OR6N1: variants seen among roughly 807,000 people sequenced by gnomAD.
OR6N1 encodes the protein olfactory receptor family 6 subfamily N member 1, also known as olfactory receptor 6N1.
For missense variants in OR6N1, 394 were observed against 371.7 expected (o/e 1.06, Z -0.49); for synonymous variants, 170 against 150.7 (o/e 1.13, Z -0.94).
At chr1:158,806,794 T>C in the OR6N1 span, among the ~76,000 whole-genome samples, 1 of 152,030 alleles carries the variant, frequency 6.6e-6, no homozygotes, top group Non-Finnish European at 1.5e-5. Flanking sequence ...TACCAACACC[T>C]TTCCATCTCT....
At chr1:158,780,561 T>C in the OR6N1 span, among the ~76,000 whole-genome samples, 4 of 152,252 alleles carry the variant, frequency 2.6e-5, no homozygotes, top group African/African-American at 4.8e-5. Context: ...AAACATCATA[T>C]GTTAGCCTAG....
chr1:158,786,913 T>C, the OR6N1 span, among the ~76,000 whole-genome samples: 114 of 152,248 alleles, frequency 7.5e-4, no homozygotes, highest in African/African-American at 2.7e-3. Context: ...AGGTGACAGG[T>C]GCACCAAAAT....
At chr1:158,776,866 A>T, upstream of OR6N1, 1 of 1,614,180 alleles carries the variant, frequency 6.2e-7, no homozygotes, top group Non-Finnish European at 8.5e-7. Flanking sequence ...CACATACATG[A>T]AGATGATGCT....
the OR6N1 span, among the ~76,000 whole-genome samples, chr1:158,827,821 A>G: frequency 1.3e-5 from 2 of 152,216 alleles, no homozygotes; most frequent in African/African-American, 4.8e-5. Context: ...GTCCATCTTC[A>G]TCCTGCTGAT....
chr1:158,836,594 T>C, the OR6N1 span, among the ~76,000 whole-genome samples: 2 of 151,940 alleles, frequency 1.3e-5, no homozygotes. Flanking sequence ...CTGATTTTAT[T>C]ATTTGAGTCT....
At chr1:158,767,466 T>C (rs1490451312) in intron 1 of OR6N1, among the ~76,000 whole-genome samples, 1 of 152,230 alleles carries the variant, frequency 6.6e-6, no homozygotes, top group African/African-American at 2.4e-5. Flanking sequence ...TTATTGCTTC[T>C]GTAGATATTA....
At chr1:158,794,609 G>C in the OR6N1 span, among the ~76,000 whole-genome samples, 1 of 152,170 alleles carries the variant, frequency 6.6e-6, no homozygotes, top group Non-Finnish European at 1.5e-5. Flanking sequence ...GAAGTTAGTA[G>C]ACTCTAAGGT....
the OR6N1 span, among the ~76,000 whole-genome samples, chr1:158,789,188 T>C: frequency 6.6e-6 from 1 of 152,228 alleles, no homozygotes; most frequent in Non-Finnish European, 1.5e-5. Context: ...CATTCTTTTT[T>C]ATTGCTGAAT....
chr1:158,833,459 T>C, the OR6N1 span, among the ~76,000 whole-genome samples: 1 of 152,342 alleles, frequency 6.6e-6, no homozygotes, highest in African/African-American at 2.4e-5. Context: ...ACTAAAACTC[T>C]AACCGTTAAC....
chr1:158,765,176 A>G lies in OR6N1; in HGVS notation c.*568T>C, dbSNP rs1652290. 70,719 of 151,958 alleles carry G rather than the reference A, an allele frequency of 0.47. 18,220 individuals carry two copies. The highest frequency in any genetic ancestry group is 0.7 in the African/African-American group (28,989 of 41,410). The allele number at this position is 151,958 out of a possible 1,614,324, so 9.4% of individuals were successfully genotyped here. On this transcript the variant is annotated 3_prime_UTR_variant, in exon 2 of 2. Transcript: ENST00000641846. Reference sequence around the variant, plus strand: ...TCAAAACACTCTTCAAGAAAATACCATTATCAAATAATGAAATTAAGACTC... The same window carrying G: ...TCAAAACACTCTTCAAGAAAATACCGTTATCAAATAATGAAATTAAGACTC...
the OR6N1 span, among the ~76,000 whole-genome samples, chr1:158,808,182 G>T: frequency 1.5e-5 from 2 of 136,478 alleles, no homozygotes; most frequent in African/African-American, 5.5e-5. Flanking sequence ...CTGTCGCCCA[G>T]GCTGGAGTGC....
In OR6N1 at chr1:158,764,475, C is replaced by A. The variant is rs981654653; in HGVS notation, c.*1269G>T. On this transcript the variant is annotated 3_prime_UTR_variant, in exon 2 of 2. Coordinates refer to ENST00000641846, the MANE Select transcript of OR6N1 (RefSeq NM_001005185.2). Reference sequence around the variant, plus strand: ...TTGTTCATTGCTTTTGTAGAGTTGACACTGCATCTGATATATAGTAAGAGC... The same window carrying A: ...TTGTTCATTGCTTTTGTAGAGTTGAAACTGCATCTGATATATAGTAAGAGC... 3 of 151,938 alleles carry A rather than the reference C, an allele frequency of 2.0e-5. No homozygotes were observed. The highest frequency in any genetic ancestry group is 4.4e-5 in the Non-Finnish European group (3 of 67,938). The allele number at this position is 151,938 out of a possible 1,614,324, so 9.4% of individuals were successfully genotyped here. A position where few individuals can be genotyped will look rare whatever the true frequency, so the allele number is the denominator to read the frequency against.
the OR6N1 span, among the ~76,000 whole-genome samples, chr1:158,809,582 T>C: frequency 6.6e-6 from 1 of 152,110 alleles, no homozygotes; most frequent in African/African-American, 2.4e-5. Context: ...TGTTATAATA[T>C]TATGCTCCAG....
chr1:158,815,481 C>T, the OR6N1 span, among the ~76,000 whole-genome samples: 1 of 152,014 alleles, frequency 6.6e-6, no homozygotes, highest in African/African-American at 2.4e-5. Flanking sequence ...GTCCCAAAAG[C>T]TATATATTAG....
chr1:158,772,829 T>A (rs189906832), upstream of OR6N1, among the ~76,000 whole-genome samples: 1 of 152,238 alleles, frequency 6.6e-6, no homozygotes, highest in East Asian at 1.9e-4. Context: ...GCCAGAAGGG[T>A]GGATTTTGAA....
the OR6N1 span, among the ~76,000 whole-genome samples, chr1:158,813,725 C>A: frequency 3.4e-4 from 34 of 98,842 alleles, no homozygotes; most frequent in African/African-American, 9.8e-4. Context: ...TTTTTTGAGA[C>A]AGGGTCCAGG....
the OR6N1 span, among the ~76,000 whole-genome samples, chr1:158,821,991 C>T: frequency 6.6e-6 from 1 of 152,110 alleles, no homozygotes; most frequent in Non-Finnish European, 1.5e-5. Context: ...GTAGTGGTAT[C>T]TCATTATTCT....
the OR6N1 span, among the ~76,000 whole-genome samples, chr1:158,824,516 G>A: frequency 6.6e-6 from 1 of 152,132 alleles, no homozygotes; most frequent in African/African-American, 2.4e-5. Flanking sequence ...TGTGCCATGT[G>A]GTGATGAAAA....
chr1:158,787,635 T>TCACACACACACACA, the OR6N1 span, among the ~76,000 whole-genome samples: 111 of 134,230 alleles, frequency 8.3e-4, no homozygotes, highest in Non-Finnish European at 1.3e-3. Flanking sequence ...TCTCTCTCTC[T>TCACACACACACACA]CACACACACA....
Sources: gnomAD v4.1 joint callset for allele counts (sites outside exome capture counted in the v4.1 genomes callset) on GRCh38, gnomAD v4.1.1 for gene constraint, MANE v1.5 for transcripts, NCBI Gene and HGNC (gene_info 2026-07-23, HGNC 2026-07-21) for gene names.